The following CLPX variants were observed in gnomAD, a reference collection of about 807,000 sequenced individuals.
CLPX encodes ATP-dependent clpX-like chaperone, mitochondrial.
A neutral mutation model predicts 76.4 loss-of-function variants in CLPX; 34 were observed. That is an observed-to-expected ratio of 0.45 (90% CI 0.34 to 0.59). The LOEUF is 0.59. Ranked by LOEUF, CLPX falls within the 20% of genes least tolerant of loss-of-function variation. The pLI is 0.01. For synonymous variants in CLPX, 248 were observed against 270.9 expected (o/e 0.92, Z 0.83); for missense variants, 613 against 757.0 (o/e 0.81, Z 2.23).
intron 4 of CLPX, 98 bp from the exon 5 acceptor site, chr15:65,164,286 A>G: frequency 1.0e-6 from 1 of 954,320 alleles, no homozygotes; most frequent in Non-Finnish European, 1.5e-6. Flanking sequence ...ACAGTTTTAA[A>G]TCTGAACAAA....
chr15:65,166,799 C>G lies in CLPX; in HGVS notation c.359-14G>C, dbSNP rs1566982633. 1.9e-6 allele frequency: 3 copies of G among 1,609,146 alleles called. No individual in the cohort carries two copies. Among genetic ancestry groups the G allele is most frequent in the South Asian group, 1.1e-5 (1 of 90,422 alleles). ...AACGGGTGGATGCTGTAAAAGAAAA[C>G]AGACATAAGTAGAGGGAAATAAAAA... On this transcript the variant is annotated splice_polypyrimidine_tract_variant and intron_variant, in intron 3 of 13. Transcript: ENST00000300107.
intron 3 of CLPX, among the ~76,000 whole-genome samples, chr15:65,171,961 GA>G (rs372111419): frequency 8.6e-5 from 13 of 150,562 alleles, no homozygotes; most frequent in East Asian, 1.9e-4. Flanking sequence ...GCTATTTTGG[GA>G]AAAAAAAATA....
At chr15:65,152,605 C>T in intron 12 of CLPX, 69 bp from the exon 13 acceptor site, 1 of 681,838 alleles carries the variant, frequency 1.5e-6, no homozygotes, top group Non-Finnish European at 2.2e-6. Context: ...TTCTATAAAT[C>T]ACAAATTGGA....
chr15:65,175,270 G>A lies in CLPX; in HGVS notation c.358+3664C>T, dbSNP rs138401573. Among the ~76,000 whole-genome samples the A allele has an allele frequency of 4.2e-3, 645 of 152,294 alleles. 6 individuals carry two copies. The highest frequency in any genetic ancestry group is 0.015 in the African/African-American group (621 of 41,542). On this transcript the variant is annotated intron_variant, in intron 3 of 13. Coordinates refer to ENST00000300107, the MANE Select transcript of CLPX (RefSeq NM_006660.5). ...GGAGGCCAAGGCAGGTGAATCACCTGAGGTCAGGAATTCGAGACCAGCCTG... is the reference window on the plus strand; with the variant it reads ...GGAGGCCAAGGCAGGTGAATCACCTAAGGTCAGGAATTCGAGACCAGCCTG...
intron 3 of CLPX, among the ~76,000 whole-genome samples, chr15:65,169,409 T>C (rs2087967195): frequency 6.6e-6 from 1 of 152,142 alleles, no homozygotes; most frequent in Admixed American, 6.5e-5. Flanking sequence ...GCCTACTCTT[T>C]CTTTTCAAAA....
chr15:65,175,072 AAAAT>A (rs1284850647), intron 3 of CLPX, among the ~76,000 whole-genome samples: 3 of 152,254 alleles, frequency 2.0e-5, no homozygotes, highest in Non-Finnish European at 4.4e-5. Context: ...CAAGTAATTA[AAAAT>A]AATTAAAATT....
intron 4 of CLPX, among the ~76,000 whole-genome samples, chr15:65,164,649 C>T (rs2087888320): frequency 6.6e-6 from 1 of 152,136 alleles, no homozygotes; most frequent in Non-Finnish European, 1.5e-5. Flanking sequence ...ATTACATAAT[C>T]AAAAGCCATT....
intron 13 of CLPX, among the ~76,000 whole-genome samples, chr15:65,151,221 T>A (rs1446083710): frequency 1.3e-5 from 2 of 151,558 alleles, no homozygotes; most frequent in African/African-American, 4.8e-5. Flanking sequence ...GGCACACACC[T>A]GTAGTCCCAG....
intron 6 of CLPX, among the ~76,000 whole-genome samples, chr15:65,159,884 C>T (rs1172738540): frequency 6.6e-6 from 1 of 151,318 alleles, no homozygotes; most frequent in Non-Finnish European, 1.5e-5. Flanking sequence ...GCAATCTCAG[C>T]TCACTGCAAC....
chr15:65,148,677 A>C lies in CLPX; in HGVS notation c.*2146T>G, dbSNP rs957160910. On this transcript the variant is annotated 3_prime_UTR_variant, in exon 14 of 14. Coordinates refer to ENST00000300107, the MANE Select transcript of CLPX (RefSeq NM_006660.5). The stretch of plus-strand genomic sequence containing the variant: ...TCAACAAGATTTAGAATTTCCTAAT[A>C]GCTTTAGTTTTTCCCTAAAAAAAAC... 5 of 152,086 alleles carry C rather than the reference A, an allele frequency of 3.3e-5. No homozygotes were observed. Among genetic ancestry groups the C allele is most frequent in the African/African-American group, 1.2e-4 (5 of 41,438 alleles). The allele number at this position is 152,086 out of a possible 1,614,324, so 9.4% of individuals were successfully genotyped here.
chr15:65,167,532 T>C (rs1304978222), intron 3 of CLPX, among the ~76,000 whole-genome samples: 1 of 152,170 alleles, frequency 6.6e-6, no homozygotes, highest in African/African-American at 2.4e-5. Flanking sequence ...GATAAATCTA[T>C]TTTAATTCCT....
chr15:65,184,434 G>A (rs572538941), intron 1 of CLPX: 1 of 152,496 alleles, frequency 6.6e-6, no homozygotes, highest in South Asian at 2.1e-4. Flanking sequence ...ACCAACTCCT[G>A]CGGGACTTCT....
At position 65,157,794 on chromosome 15, in the gene CLPX, CA is replaced by C; in HGVS notation, c.1008del (p.Ile336MetfsTer25). The part of the protein sequence containing the change: ...GYVGEDIESV[I>X]AKLLQDANYN... The stretch of plus-strand genomic sequence containing the variant: ...TAATTGGCATCTTGGAGTAGTTTTG[CA>C]ATCACAGATTCAATATCTTCGCCTA... On this transcript the variant is annotated frameshift_variant, in exon 8 of 14. Transcript: ENST00000300107. LOFTEE classifies it high-confidence loss of function. 6.2e-7 allele frequency: 1 copy of C among 1,613,838 alleles called. No homozygotes were observed. The highest frequency in any genetic ancestry group is 8.5e-7 in the Non-Finnish European group (1 of 1,179,904).
intron 11 of CLPX, 102 bp downstream of exon 11, chr15:65,154,680 T>G: frequency 2.4e-6 from 2 of 825,820 alleles, no homozygotes; most frequent in African/African-American, 1.7e-5. Flanking sequence ...TAGGCTGGTA[T>G]TCTAGATGAG....
At chr15:65,171,417 A>C (rs902915803) in intron 3 of CLPX, among the ~76,000 whole-genome samples, 1 of 152,022 alleles carries the variant, frequency 6.6e-6, no homozygotes, top group African/African-American at 2.4e-5. Context: ...ACTGCACTTC[A>C]GCCTGGGCAA....
rs549040989 is a variant in CLPX at position 65,171,204 on chromosome 15, T to C, written c.359-4419A>G. ...GCTAACGCCTGTAATCCTAGCACTCTGGGAGGCTGAGGCAGGTGGATCACT... is the reference window on the plus strand; with the variant it reads ...GCTAACGCCTGTAATCCTAGCACTCCGGGAGGCTGAGGCAGGTGGATCACT... On this transcript the variant is annotated intron_variant, in intron 3 of 13. Coordinates refer to ENST00000300107, the MANE Select transcript of CLPX (RefSeq NM_006660.5). Among the ~76,000 whole-genome samples the C allele has an allele frequency of 8.2e-4, 125 of 152,136 alleles. 1 individual carries two copies. Among genetic ancestry groups the C allele is most frequent in the African/African-American group, 2.9e-3 (119 of 41,528 alleles).
Position 65,181,025 on chromosome 15 carries a change from C to T in CLPX, c.80-821G>A, listed in dbSNP as rs193231625. 4.2e-3 allele frequency among the ~76,000 whole-genome samples: 636 copies of T among 151,808 alleles called. 4 individuals are homozygous for T. The highest frequency in any genetic ancestry group is 7.8e-3 in the Non-Finnish European group (527 of 67,946). Reference sequence around the variant, plus strand: ...ACCAGCCTGGCCAACGTGGTGAAACCCTGTCTCTACTAAAAATACAAAAAT... The same window carrying T: ...ACCAGCCTGGCCAACGTGGTGAAACTCTGTCTCTACTAAAAATACAAAAAT... On this transcript the variant is annotated intron_variant, in intron 1 of 13. Coordinates refer to ENST00000300107, the MANE Select transcript of CLPX (RefSeq NM_006660.5).
At chr15:65,181,924 C>T (rs1246633999) in intron 1 of CLPX, among the ~76,000 whole-genome samples, 1 of 151,404 alleles carries the variant, frequency 6.6e-6, no homozygotes. Context: ...GAGATCGAGA[C>T]CATCCTGGCT....
At chr15:65,185,041 G>A (rs1460202836) in intron 1 of CLPX, 34 bp downstream of exon 1, 2 of 1,504,036 alleles carry the variant, frequency 1.3e-6, no homozygotes, top group Non-Finnish European at 1.8e-6. Context: ...CCCCCCGACA[G>A]GCTGAGGGCT....
Sources: allele counts gnomAD v4.1 joint callset (sites outside exome capture counted in the v4.1 genomes callset), GRCh38; gene constraint gnomAD v4.1.1; transcripts MANE v1.5; gene names NCBI Gene and HGNC (gene_info 2026-07-23, HGNC 2026-07-21).